The following DSE variants were observed in gnomAD, a reference collection of about 807,000 sequenced individuals.
The protein encoded by DSE is dermatan sulfate epimerase, also known as dermatan-sulfate epimerase.
A neutral mutation model predicts 84.4 loss-of-function variants in DSE; 36 were observed. The ratio of observed to expected loss-of-function variants is 0.43; its 90% CI spans 0.33 to 0.56. The LOEUF (loss-of-function observed/expected upper bound fraction) is 0.56, where lower values mean the gene tolerates loss of function less well. DSE is among the 20% of genes least tolerant of loss of function. DSE has a pLI of 0.06. For synonymous variants in DSE, 410 were observed against 430.1 expected, an observed-to-expected ratio of 0.95 and a Z score of 0.58; for missense variants, 862 against 1,169.6, an observed-to-expected ratio of 0.74 and a Z score of 3.84.
intron 2 of DSE, among the ~76,000 whole-genome samples, chr6:116,297,171 A>G (rs570773882): frequency 2.0e-5 from 3 of 152,196 alleles, no homozygotes; most frequent in African/African-American, 7.2e-5. Context: ...GCCAGGCCAG[A>G]ATGCTAGGGA....
chr6:116,300,880 A>G (rs867320329), intron 2 of DSE, among the ~76,000 whole-genome samples: 6 of 152,202 alleles, frequency 3.9e-5, no homozygotes, highest in Admixed American at 2.6e-4. Flanking sequence ...ATTCTTCTCA[A>G]TTTGAGTGAA....
chr6:116,402,150 T>C (rs191263778), intron 2 of DSE, among the ~76,000 whole-genome samples: 1 of 152,320 alleles, frequency 6.6e-6, no homozygotes, highest in Non-Finnish European at 1.5e-5. Context: ...AATTTTTACC[T>C]ATGGCAAAGG....
intron 2 of DSE, among the ~76,000 whole-genome samples, chr6:116,267,443 G>A (rs1204860): frequency 0.73 from 109,229 of 148,956 alleles, 40,301 homozygotes; most frequent in East Asian, 0.99. Flanking sequence ...TTAAAAAGTT[G>A]AAAAAAAAGA....
At chr6:116,382,539 C>A (rs1452992109) in intron 1 of DSE, among the ~76,000 whole-genome samples, 1 of 152,098 alleles carries the variant, frequency 6.6e-6, no homozygotes, top group Non-Finnish European at 1.5e-5. Context: ...TGACTTATTT[C>A]TGTCTAGGAT....
intron 2 of DSE, among the ~76,000 whole-genome samples, chr6:116,275,255 A>C (rs1314363108): frequency 6.6e-6 from 1 of 152,202 alleles, no homozygotes; most frequent in East Asian, 1.9e-4. Flanking sequence ...TAAAATGTAC[A>C]AAGTATATAA....
chr6:116,328,560 CCATTA>C (rs1776760761), intron 2 of DSE, among the ~76,000 whole-genome samples: 1 of 152,130 alleles, frequency 6.6e-6, no homozygotes, highest in African/African-American at 2.4e-5. Context: ...TATATCCATT[CCATTA>C]CATCAAAGTA....
chr6:116,442,956 C>CTGG lies in DSE; in HGVS notation c.*5612_*5614dup, dbSNP rs905618894. On this transcript the variant is annotated 3_prime_UTR_variant, in exon 6 of 6. Transcript: ENST00000644252. ...CCCCCATATTCCATATGTTTACTCC[C>CTGG]TGGGGTGAGGTGGGGCAGGGAGGGG... The CTGG allele has an allele frequency of 9.9e-5, 15 of 152,200 alleles. No individual in the cohort carries two copies. The highest frequency in any genetic ancestry group is 3.6e-4 in the African/African-American group (15 of 41,508). The allele number at this position is 152,200 out of a possible 1,614,324, so 9.4% of individuals were successfully genotyped here. A position where few individuals can be genotyped will look rare whatever the true frequency, so the allele number is the denominator to read the frequency against.
intron 2 of DSE, among the ~76,000 whole-genome samples, chr6:116,341,553 A>G (rs1452113797): frequency 1.3e-5 from 2 of 152,224 alleles, no homozygotes; most frequent in Non-Finnish European, 2.9e-5. Context: ...TGTTTTAGTC[A>G]TAAAGTCCTT....
chr6:116,310,851 C>G (rs1562221575), intron 2 of DSE, among the ~76,000 whole-genome samples: 1 of 152,124 alleles, frequency 6.6e-6, no homozygotes. Flanking sequence ...TTTCAAAGGC[C>G]CTTCCTAATG....
intron 2 of DSE, among the ~76,000 whole-genome samples, chr6:116,424,103 C>T (rs1057193169): frequency 6.6e-6 from 1 of 152,102 alleles, no homozygotes; most frequent in Non-Finnish European, 1.5e-5. Flanking sequence ...TATCATGGGT[C>T]GGTGTATATA....
chr6:116,271,372 CTCTT>C (rs1772869927), intron 2 of DSE, among the ~76,000 whole-genome samples: 2 of 152,186 alleles, frequency 1.3e-5, no homozygotes, highest in Non-Finnish European at 2.9e-5. Context: ...CTGGAGAACA[CTCTT>C]TATGATCCAC....
At chr6:116,404,732 C>T (rs1198866740) in intron 2 of DSE, among the ~76,000 whole-genome samples, 3 of 152,230 alleles carry the variant, frequency 2.0e-5, no homozygotes, top group East Asian at 1.9e-4. Flanking sequence ...ACTTTATTCT[C>T]GCTAGGTTTC....
chr6:116,382,298 C>A (rs1050856004), intron 1 of DSE, among the ~76,000 whole-genome samples: 7 of 152,066 alleles, frequency 4.6e-5, no homozygotes, highest in Non-Finnish European at 1.0e-4. Flanking sequence ...CATAACATGG[C>A]CATGATATGC....
chr6:116,338,160 CCTTT>C (rs1562239091), intron 2 of DSE, among the ~76,000 whole-genome samples: 3 of 122,492 alleles, frequency 2.4e-5, no homozygotes, highest in Non-Finnish European at 5.1e-5. Context: ...TTTGTGCCTT[CCTTT>C]CTGTCTCTTT....
rs930029166 is a variant in DSE at position 116,425,590 on chromosome 6, C to CT, written c.417-976dup. Among the ~76,000 whole-genome samples the CT allele has an allele frequency of 1.6e-4, 24 of 149,078 alleles. 1 individual carries two copies. The highest frequency in any genetic ancestry group is 5.9e-4 in the African/African-American group (24 of 40,902). The stretch of plus-strand genomic sequence containing the variant: ...CTTCCTGGAAAATGACAATGTAATT[C>CT]TTTTTTTTATTTTATTTTATTTATT... On this transcript the variant is annotated intron_variant, in intron 2 of 5. Transcript: ENST00000644252.
At chr6:116,362,018 T>G (rs189146170) in intron 2 of DSE, among the ~76,000 whole-genome samples, 4 of 152,326 alleles carry the variant, frequency 2.6e-5, no homozygotes, top group Admixed American at 2.6e-4. Flanking sequence ...TATACCGTTT[T>G]AGACTGTAAA....
chr6:116,370,197 T>TCA (rs142822596), upstream of DSE: 32 of 271,828 alleles, frequency 1.2e-4, no homozygotes, highest in East Asian at 1.8e-4. Flanking sequence ...TCTCTCTCTC[T>TCA]CACACACACA....
intron 2 of DSE, among the ~76,000 whole-genome samples, chr6:116,300,030 G>C (rs1301381817): frequency 1.3e-5 from 2 of 152,086 alleles, no homozygotes; most frequent in African/African-American, 4.8e-5. Flanking sequence ...TTTTAAATTT[G>C]GCAGTTATTC....
chr6:116,434,402 A>T (rs74719698), intron 5 of DSE, among the ~76,000 whole-genome samples: 1,789 of 152,268 alleles, frequency 0.012, 25 homozygotes, highest in South Asian at 0.067. Context: ...TATTAGTAAA[A>T]TGGTGTCTAT....
Sources: gnomAD v4.1 joint callset for allele counts (sites outside exome capture counted in the v4.1 genomes callset) on GRCh38, gnomAD v4.1.1 for gene constraint, MANE v1.5 for transcripts, NCBI Gene and HGNC (gene_info 2026-07-23, HGNC 2026-07-21) for gene names.